ITGA1: variants seen among roughly 807,000 people sequenced by gnomAD.
ITGA1 encodes the protein integrin subunit alpha 1, also known as integrin alpha-1.
A neutral mutation model predicts 145.9 loss-of-function variants in ITGA1; 85 were observed. That is an observed-to-expected ratio of 0.58 (90% CI 0.49 to 0.70). The LOEUF is 0.70. Among genes scored for constraint, ITGA1 ranks in the 30% least tolerant of loss-of-function variants. The pLI is 0.00. For missense variants in ITGA1, 1,351 were observed against 1,418.7 expected, an observed-to-expected ratio of 0.95 and a Z score of 0.77; for synonymous variants, 520 against 495.3, an observed-to-expected ratio of 1.05 and a Z score of -0.66.
chr5:52,789,053 T>C (rs1210105548), intron 1 of ITGA1, among the ~76,000 whole-genome samples: 1 of 152,196 alleles, frequency 6.6e-6, no homozygotes, highest in African/African-American at 2.4e-5. Context: ...ATGCAAAATA[T>C]AGTATTGTTA....
At chr5:52,867,284 G>T (rs1207293967) in intron 6 of ITGA1, 2 of 152,138 alleles carry the variant, frequency 1.3e-5, no homozygotes, top group Non-Finnish European at 1.5e-5. Context: ...ATGTATTGCT[G>T]CATTCCAAGG....
intron 26 of ITGA1, among the ~76,000 whole-genome samples, chr5:52,940,557 C>T (rs1579731974): frequency 6.6e-6 from 1 of 151,944 alleles, no homozygotes; most frequent in East Asian, 1.9e-4. Context: ...TACAGGCGCC[C>T]ACCACCACGC....
intron 8 of ITGA1, chr5:52,889,920 C>G (rs1290074937): frequency 2.1e-5 from 3 of 142,778 alleles, no homozygotes; most frequent in African/African-American, 7.7e-5. Flanking sequence ...CAAGCAATAG[C>G]AAAGGGCTCA....
chr5:52,888,478 G>A (rs1016972385), intron 8 of ITGA1, among the ~76,000 whole-genome samples: 1 of 152,190 alleles, frequency 6.6e-6, no homozygotes, highest in Non-Finnish European at 1.5e-5. Context: ...TAGCTAAAGT[G>A]GGGGAAAGTG....
At chr5:52,923,303 G>T (rs1750756851) in intron 18 of ITGA1, among the ~76,000 whole-genome samples, 1 of 152,226 alleles carries the variant, frequency 6.6e-6, no homozygotes, top group Admixed American at 6.5e-5. Flanking sequence ...AGGGGTTGCT[G>T]GTTCTTGTTT....
intron 2 of ITGA1, 124 bp downstream of exon 2, chr5:52,849,609 C>A: frequency 1.1e-6 from 1 of 895,558 alleles, no homozygotes; most frequent in Non-Finnish European, 1.6e-6. Flanking sequence ...GTAGAAAATG[C>A]AGTCTAGTCA....
intron 6 of ITGA1, among the ~76,000 whole-genome samples, chr5:52,873,044 T>C (rs1749803376): frequency 6.6e-6 from 1 of 152,096 alleles, no homozygotes; most frequent in East Asian, 1.9e-4. Flanking sequence ...TAGTCTAGGG[T>C]TTTATGTTTC....
At chr5:52,829,679 A>G (rs1749029066) in intron 1 of ITGA1, among the ~76,000 whole-genome samples, 1 of 152,130 alleles carries the variant, frequency 6.6e-6, no homozygotes. Context: ...ATTTATGTAG[A>G]GAATATCTTT....
intron 12 of ITGA1, among the ~76,000 whole-genome samples, chr5:52,907,530 T>G (rs573591234): frequency 6.6e-6 from 1 of 152,308 alleles, no homozygotes; most frequent in Non-Finnish European, 1.5e-5. Flanking sequence ...GATTTCAGTT[T>G]CAAGCCTGGG....
At chr5:52,925,220 G>A (rs1044298277) in intron 18 of ITGA1, 58 bp from the exon 19 acceptor site, 4 of 1,306,698 alleles carry the variant, frequency 3.1e-6, no homozygotes, top group Non-Finnish European at 4.4e-6. Context: ...AAATTGATGG[G>A]TAATTTTCAA....
rs190674779 is a variant in ITGA1 at position 52,815,635 on chromosome 5, G to C, written c.61+27221G>C. Among the ~76,000 whole-genome samples the C allele has an allele frequency of 5.1e-4, 77 of 152,254 alleles. 1 individual carries two copies. The highest frequency in any genetic ancestry group is 7.7e-4 in the East Asian group (4 of 5,162). On this transcript the variant is annotated intron_variant, in intron 1 of 28. Coordinates refer to ENST00000282588, the MANE Select transcript of ITGA1 (RefSeq NM_181501.2). ...GGGCTCCATTCCAAAAAATGGAATA[G>C]GGATCTCCTTCCCTATGTTTGGAAA...
At position 52,916,172 on chromosome 5, in the gene ITGA1, C is replaced by T. The variant is rs73754065; in HGVS notation, c.1988+578C>T. Among the ~76,000 whole-genome samples the T allele has an allele frequency of 3.4e-3, 524 of 152,102 alleles. 3 individuals are homozygous for T. The highest frequency in any genetic ancestry group is 0.012 in the African/African-American group (496 of 41,494). ...ATTTAGTAGGCAAAAATAATTATTG[C>T]TTACTAAATATCCTATCTCAAAAAC... On this transcript the variant is annotated intron_variant, in intron 15 of 28. Transcript: ENST00000282588.
chr5:52,933,911 A>G lies in ITGA1; in HGVS notation c.2879A>G (p.His960Arg). The G allele has an allele frequency of 6.6e-7, 1 of 1,514,828 alleles. No homozygotes were observed. The highest frequency in any genetic ancestry group is 8.9e-7 in the Non-Finnish European group (1 of 1,122,846). The allele number at this position is 1,514,828 out of a possible 1,614,324, so 93.8% of individuals were successfully genotyped here. A position where few individuals can be genotyped will look rare whatever the true frequency, so the allele number is the denominator to read the frequency against. The change falls in exon 23 of 29, where the codon CAC becomes CGC. Residue 960 changes from histidine (H) to arginine (R), a missense_variant. Physicochemically the swap from His to Arg is conservative, Grantham distance 29. Transcript: ENST00000282588. ...TTTTTAAGCTCTGCAAGTGAATACC[A>G]CATTTCAATTGCTGCCAATGAGACA... The part of the protein sequence containing the change: ...LQFYSSASEY[H>R]ISIAANETVP...
chr5:52,811,304 T>G (rs969431621), intron 1 of ITGA1, among the ~76,000 whole-genome samples: 1 of 152,184 alleles, frequency 6.6e-6, no homozygotes, highest in African/African-American at 2.4e-5. Context: ...AGTTGGTTTC[T>G]TCATCTGCAG....
chr5:52,949,172 G>A (rs1168059369), intron 28 of ITGA1, among the ~76,000 whole-genome samples: 1 of 152,130 alleles, frequency 6.6e-6, no homozygotes, highest in Non-Finnish European at 1.5e-5. Flanking sequence ...TGATTCTAAG[G>A]TAGAAGGGAA....
intron 14 of ITGA1, among the ~76,000 whole-genome samples, chr5:52,911,547 C>CTA (rs1400891370): frequency 2.1e-5 from 2 of 93,876 alleles, no homozygotes; most frequent in Admixed American, 1.2e-4. Flanking sequence ...GATACATATA[C>CTA]TATATATAGT....
At chr5:52,936,481 TA>T (rs1750966586) in intron 23 of ITGA1, among the ~76,000 whole-genome samples, 1 of 152,150 alleles carries the variant, frequency 6.6e-6, no homozygotes, top group Non-Finnish European at 1.5e-5. Context: ...CTCAGTTGGG[TA>T]GATCACTGGC....
At chr5:52,900,198 T>A (rs1490583298) in intron 11 of ITGA1, among the ~76,000 whole-genome samples, 1 of 152,182 alleles carries the variant, frequency 6.6e-6, no homozygotes, top group Non-Finnish European at 1.5e-5. Flanking sequence ...GTTCATTACA[T>A]CCTAAGGTTC....
At chr5:52,905,736 G>GTA in intron 11 of ITGA1, 27 bp from the exon 12 acceptor site, 1 of 1,595,958 alleles carries the variant, frequency 6.3e-7, no homozygotes, top group Non-Finnish European at 8.6e-7. Context: ...GGTCCAGGTG[G>GTA]TATACCTGGA....
Sources: gnomAD v4.1 joint callset for allele counts (sites outside exome capture counted in the v4.1 genomes callset) on GRCh38, gnomAD v4.1.1 for gene constraint, MANE v1.5 for transcripts, NCBI Gene and HGNC (gene_info 2026-07-23, HGNC 2026-07-21) for gene names.